The following RMDN2 variants were observed in gnomAD, a reference collection of about 807,000 sequenced individuals.
RMDN2 encodes the protein regulator of microtubule dynamics protein 2.
Under a neutral mutation model 52.8 loss-of-function variants are expected in RMDN2, and 61 were observed. The observed-to-expected ratio is 1.16, with a 90% CI of 0.94 to 1.43. The LOEUF is 1.43. RMDN2 is among the 40% of genes most tolerant of loss of function. The pLI, the probability that RMDN2 is intolerant of heterozygous loss-of-function variation, is 0.00. For missense variants in RMDN2, 592 were observed against 475.3 expected, an observed-to-expected ratio of 1.25 and a Z score of -2.28; for synonymous variants, 180 against 153.1, an observed-to-expected ratio of 1.18 and a Z score of -1.30.
chr2:37,929,072 C>T, intron 1 of RMDN2, 190 bp from the exon 2 acceptor site: 2 of 442,802 alleles, frequency 4.5e-6, no homozygotes, highest in South Asian at 3.4e-5. Flanking sequence ...TATGATAATT[C>T]TTCATTGTAA....
At chr2:37,950,521 G>T in intron 2 of RMDN2, 2 of 1,612,864 alleles carry the variant, frequency 1.2e-6, no homozygotes, top group Non-Finnish European at 1.7e-6. Context: ...GGCATTTTAT[G>T]GCTTAAGGAT....
rs1266343702 is a variant in RMDN2, at chr2:37,929,723, A to AAGG, written c.450_452dup (p.Gly151dup). 5.3e-6 allele frequency: 8 copies of AAGG among 1,500,974 alleles called. No individual in the cohort carries two copies. In the East Asian group the frequency reaches 2.0e-4, roughly 37 times the overall value. 93.0% of individuals were successfully genotyped at this position (1,500,974 alleles called of 1,614,324 possible). On this transcript the variant is annotated inframe_insertion, in exon 2 of 11. Transcript: ENST00000354545. The stretch of plus-strand genomic sequence containing the variant: ...AATAGTTCAGAGGAAGCAGAAAGTG[A>AAGG]AGGAGGGTAAGTTTCTTTAAGATAT...
intron 10 of RMDN2, among the ~76,000 whole-genome samples, chr2:38,060,534 T>G (rs1316258896): frequency 6.6e-6 from 1 of 152,178 alleles, no homozygotes; most frequent in Non-Finnish European, 1.5e-5. Flanking sequence ...AAATACTGAT[T>G]GCTGGGATGT....
At chr2:37,932,685 G>A (rs1322662424) in intron 2 of RMDN2, among the ~76,000 whole-genome samples, 9 of 141,408 alleles carry the variant, frequency 6.4e-5, no homozygotes, top group Middle Eastern at 3.6e-3. Context: ...GCCGGGCGGG[G>A]GGCTGACCCC....
upstream of RMDN2, among the ~76,000 whole-genome samples, chr2:37,924,611 C>A (rs539000846): frequency 3.1e-4 from 47 of 152,274 alleles, no homozygotes; most frequent in African/African-American, 1.1e-3. Context: ...AGGTGATCCG[C>A]CTGCCTCAGC....
chr2:37,922,077 T>A (rs1445607067), upstream of RMDN2, among the ~76,000 whole-genome samples: 1 of 152,172 alleles, frequency 6.6e-6, no homozygotes, highest in Non-Finnish European at 1.5e-5. Flanking sequence ...TCTCAATGGT[T>A]AGGGTGTTCT....
chr2:37,960,937 C>T (rs1354886579), intron 2 of RMDN2, among the ~76,000 whole-genome samples: 2 of 152,158 alleles, frequency 1.3e-5, no homozygotes, highest in Non-Finnish European at 2.9e-5. Flanking sequence ...TTTATTTCTC[C>T]TTCGCTTATG....
intron 10 of RMDN2, among the ~76,000 whole-genome samples, chr2:38,023,540 G>A (rs151152127): frequency 0.012 from 1,849 of 152,024 alleles, 43 homozygotes; most frequent in African/African-American, 0.042. Flanking sequence ...ACAAGATAAG[G>A]TAGTGAAGCC....
chr2:37,981,893 ATATAAAT>A (rs1558507386), intron 5 of RMDN2, among the ~76,000 whole-genome samples: 2 of 151,966 alleles, frequency 1.3e-5, no homozygotes, highest in Non-Finnish European at 2.9e-5. Flanking sequence ...TATTTTATAA[ATATAAAT>A]TATAAATTAT....
chr2:38,026,817 C>G (rs1432723854), intron 10 of RMDN2, among the ~76,000 whole-genome samples: 1 of 152,056 alleles, frequency 6.6e-6, no homozygotes, highest in Non-Finnish European at 1.5e-5. Context: ...TTAGCAGTAT[C>G]CTACAAATTT....
intron 1 of RMDN2, 120 bp downstream of exon 1, chr2:37,925,545 C>T (rs1489194711): frequency 6.6e-6 from 1 of 152,358 alleles, no homozygotes; most frequent in Non-Finnish European, 1.5e-5. Context: ...GTCGGTGTGT[C>T]CCTGGCGAAG....
chr2:38,024,062 C>T (rs1035578577), intron 10 of RMDN2, among the ~76,000 whole-genome samples: 1 of 152,120 alleles, frequency 6.6e-6, no homozygotes, highest in African/African-American at 2.4e-5. Flanking sequence ...TGTCTGACTT[C>T]TTTCCCTCAG....
chr2:37,930,672 G>C (rs1666658347), intron 2 of RMDN2, among the ~76,000 whole-genome samples: 1 of 152,210 alleles, frequency 6.6e-6, no homozygotes, highest in Non-Finnish European at 1.5e-5. Context: ...CCTGGGTGCA[G>C]AGTGGGTGAG....
intron 10 of RMDN2, among the ~76,000 whole-genome samples, chr2:38,006,062 A>C (rs1677036868): frequency 6.6e-6 from 1 of 152,058 alleles, no homozygotes; most frequent in South Asian, 2.1e-4. Flanking sequence ...ATTGGTCTAT[A>C]TCTCTGTTTT....
chr2:37,939,685 G>A (rs1572711091), intron 2 of RMDN2, among the ~76,000 whole-genome samples: 1 of 152,120 alleles, frequency 6.6e-6, no homozygotes, highest in South Asian at 2.1e-4. Flanking sequence ...TTTAAAGTCT[G>A]TTTTATCAGA....
intron 2 of RMDN2, among the ~76,000 whole-genome samples, chr2:37,971,044 TTTTTC>T (rs1671744859): frequency 6.6e-6 from 1 of 152,190 alleles, no homozygotes; most frequent in East Asian, 1.9e-4. Context: ...AGCACCTAAG[TTTTTC>T]ATTTTGATAA....
At chr2:38,026,528 G>C (rs1679793139) in intron 10 of RMDN2, among the ~76,000 whole-genome samples, 1 of 151,508 alleles carries the variant, frequency 6.6e-6, no homozygotes, top group East Asian at 1.9e-4. Flanking sequence ...TCTTTACTTT[G>C]GGTTTTATTT....
intron 10 of RMDN2, among the ~76,000 whole-genome samples, chr2:38,025,155 A>T (rs1372762819): frequency 1.3e-5 from 2 of 151,992 alleles, no homozygotes; most frequent in African/African-American, 4.8e-5. Flanking sequence ...TATACCTCTT[A>T]ATTTATTTAG....
chr2:38,018,990 G>C (rs1256549285), downstream of RMDN2, among the ~76,000 whole-genome samples: 4 of 152,194 alleles, frequency 2.6e-5, no homozygotes, highest in Admixed American at 2.0e-4. Context: ...CTTCTATAAT[G>C]ATCAGTCAAG....
Sources: gnomAD v4.1 joint callset for allele counts (sites outside exome capture counted in the v4.1 genomes callset) on GRCh38, gnomAD v4.1.1 for gene constraint, MANE v1.5 for transcripts, NCBI Gene and HGNC (gene_info 2026-07-23, HGNC 2026-07-21) for gene names.